CERT1: variants seen among roughly 807,000 people sequenced by gnomAD.
CERT1 encodes the protein ceramide transporter 1, also known as ceramide transfer protein.
In CERT1, 31 loss-of-function variants were observed where a neutral mutation model predicts 87.9. That is an observed-to-expected ratio of 0.35 (90% confidence interval 0.27 to 0.48). The LOEUF (loss-of-function observed/expected upper bound fraction) is 0.48. CERT1 is among the 20% of genes least tolerant of loss of function. The pLI, the probability that CERT1 is intolerant of heterozygous loss-of-function variation, is 0.99. For synonymous variants in CERT1, 289 were observed against 250.9 expected (o/e 1.15, Z -1.44); for missense variants, 487 against 758.0 (o/e 0.64, Z 4.20).
intron 11 of CERT1, among the ~76,000 whole-genome samples, chr5:75,397,893 C>A (rs1481392733): frequency 2.6e-5 from 4 of 152,106 alleles, no homozygotes; most frequent in East Asian, 1.9e-4. Context: ...GTGGTGCGTG[C>A]CTGTAATCCC....
intron 3 of CERT1, among the ~76,000 whole-genome samples, chr5:75,439,918 C>T (rs956730260): frequency 3.3e-5 from 5 of 151,870 alleles, no homozygotes; most frequent in Admixed American, 3.3e-4. Flanking sequence ...CTTATGGGTC[C>T]CCCACTAGAG....
chr5:75,467,655 A>AG (rs1765519938), intron 2 of CERT1, among the ~76,000 whole-genome samples: 1 of 151,512 alleles, frequency 6.6e-6, no homozygotes, highest in East Asian at 1.9e-4. Context: ...AAAAAGAAAA[A>AG]AAAAAAAAAA....
chr5:75,430,997 T>C (rs898127311), intron 3 of CERT1, among the ~76,000 whole-genome samples: 2 of 152,200 alleles, frequency 1.3e-5, no homozygotes, highest in Non-Finnish European at 2.9e-5. Context: ...GCTAGGATTG[T>C]GCCACTGTAC....
intron 9 of CERT1, chr5:75,401,465 G>A (rs1490192996): frequency 1.3e-5 from 2 of 152,126 alleles, no homozygotes; most frequent in Non-Finnish European, 2.9e-5. Context: ...AAAACTAAGA[G>A]TAAGACTGAG....
chr5:75,423,539 A>G (rs1050932753), intron 5 of CERT1, among the ~76,000 whole-genome samples: 3 of 152,208 alleles, frequency 2.0e-5, no homozygotes, highest in Non-Finnish European at 4.4e-5. Flanking sequence ...CAGGAGTTTA[A>G]AGACCAGCCT....
At chr5:75,507,863 A>G (rs1041840707) in intron 1 of CERT1, among the ~76,000 whole-genome samples, 1 of 152,208 alleles carries the variant, frequency 6.6e-6, no homozygotes, top group South Asian at 2.1e-4. Context: ...CTCAATATTT[A>G]TAGCCCATTA....
chr5:75,400,521 C>T (rs987378390), intron 9 of CERT1: 8 of 449,828 alleles, frequency 1.8e-5, no homozygotes, highest in African/African-American at 1.6e-4. Context: ...CTATGTTAGG[C>T]AAGGGATAAG....
At chr5:75,463,987 C>T (rs956592411) in intron 2 of CERT1, among the ~76,000 whole-genome samples, 1 of 151,972 alleles carries the variant, frequency 6.6e-6, no homozygotes, top group Non-Finnish European at 1.5e-5. Flanking sequence ...ACCTGGGAGG[C>T]CTGATGGTTG....
chr5:75,471,530 G>T (rs565103927), intron 2 of CERT1, among the ~76,000 whole-genome samples: 43 of 152,036 alleles, frequency 2.8e-4, no homozygotes, highest in Non-Finnish European at 5.0e-4. Context: ...GGAGGCTGAG[G>T]CAGGCAGATC....
chr5:75,430,739 A>G (rs1763826649), intron 3 of CERT1, among the ~76,000 whole-genome samples: 1 of 152,142 alleles, frequency 6.6e-6, no homozygotes, highest in Non-Finnish European at 1.5e-5. Flanking sequence ...CAGTTCACAA[A>G]AAAAAAAAGA....
chr5:75,489,149 G>T (rs917357425), intron 2 of CERT1, among the ~76,000 whole-genome samples: 5 of 152,066 alleles, frequency 3.3e-5, no homozygotes, highest in African/African-American at 1.2e-4. Context: ...AATGAAGAAA[G>T]GATTCCATAT....
At chr5:75,425,281 A>C in intron 5 of CERT1, 80 bp downstream of exon 5, 2 of 1,389,010 alleles carry the variant, frequency 1.4e-6, no homozygotes. Context: ...TTTATCACTT[A>C]AAGACATTAC....
chr5:75,381,244 T>A (rs1474721055), intron 15 of CERT1, 43 bp from the exon 16 acceptor site: 3 of 1,609,960 alleles, frequency 1.9e-6, no homozygotes, highest in Admixed American at 3.3e-5. Context: ...ACCCAGTATT[T>A]TGTAAACTCT....
chr5:75,505,491 C>G (rs1767611050), intron 2 of CERT1: 1 of 152,066 alleles, frequency 6.6e-6, no homozygotes, highest in South Asian at 2.1e-4. Context: ...GGCTTTTATT[C>G]CACATTAGAG....
At chr5:75,380,612 C>T (rs1217061477) in intron 16 of CERT1, among the ~76,000 whole-genome samples, 2 of 151,752 alleles carry the variant, frequency 1.3e-5, no homozygotes, top group Non-Finnish European at 2.9e-5. Context: ...GATGGTGAAA[C>T]CCCGTCTCTA....
intron 2 of CERT1, among the ~76,000 whole-genome samples, chr5:75,500,848 T>C (rs1767329929): frequency 6.6e-6 from 1 of 152,218 alleles, no homozygotes; most frequent in African/African-American, 2.4e-5. Context: ...CATAATGTAA[T>C]TTCTCATTTT....
At position 75,425,619 on chromosome 5, in the gene CERT1, G is replaced by A. The variant is rs748808284; in HGVS notation, c.457-120C>T. On this transcript the variant is annotated intron_variant, in intron 4 of 16. Transcript: ENST00000643780. ...CTTATAACTGAGGGCATGGGATAAG[G>A]AGAGCTGTCTAGTTCAATATAATAC... 274 of 888,692 alleles carry A rather than the reference G, an allele frequency of 3.1e-4. 1 individual carries two copies. Among genetic ancestry groups the A allele is most frequent in the South Asian group, 2.1e-4 (12 of 57,190 alleles). 55.1% of individuals were successfully genotyped at this position (888,692 alleles called of 1,614,324 possible).
chr5:75,371,641 C>G (rs528859297), intron 17 of CERT1: 13 of 152,230 alleles, frequency 8.5e-5, no homozygotes, highest in Non-Finnish European at 1.9e-4. Context: ...GTCCTGAATT[C>G]CAACTGAAAC....
chr5:75,458,529 G>C (rs1281847858), intron 3 of CERT1, among the ~76,000 whole-genome samples: 1 of 151,858 alleles, frequency 6.6e-6, no homozygotes, highest in Non-Finnish European at 1.5e-5. Flanking sequence ...GTATATTTTT[G>C]ATGTAGTTAA....
Sources: gnomAD v4.1 joint callset for allele counts (sites outside exome capture counted in the v4.1 genomes callset) on GRCh38, gnomAD v4.1.1 for gene constraint, MANE v1.5 for transcripts, NCBI Gene and HGNC (gene_info 2026-07-23, HGNC 2026-07-21) for gene names.